MYT1: variants seen among roughly 807,000 people sequenced by gnomAD.
The protein encoded by MYT1 is myelin transcription factor I.
Under a neutral mutation model 123.0 loss-of-function variants are expected in MYT1, and 23 were observed. That is an observed-to-expected ratio of 0.19 (90% CI 0.13 to 0.26). MYT1 has a LOEUF of 0.26. Among genes scored for constraint, MYT1 ranks in the 10% least tolerant of loss-of-function variants. The pLI is 1.00. For synonymous variants in MYT1, 518 were observed against 575.3 expected, an observed-to-expected ratio of 0.90 and a Z score of 1.43; for missense variants, 1,125 against 1,472.5, an observed-to-expected ratio of 0.76 and a Z score of 3.86.
At chr20:64,220,063 C>T (rs1165320150) in intron 13 of MYT1, 81 bp downstream of exon 13, 2 of 1,405,920 alleles carry the variant, frequency 1.4e-6, no homozygotes, top group Admixed American at 6.2e-5. Flanking sequence ...ATTGGCTTTT[C>T]AAGGAAGCTT....
chr20:64,237,599 G>C (rs1601727839), intron 21 of MYT1, among the ~76,000 whole-genome samples: 1 of 152,354 alleles, frequency 6.6e-6, no homozygotes, highest in South Asian at 2.1e-4. Flanking sequence ...AGTGCCAGTG[G>C]GCCGCCGGAG....
At chr20:64,187,064 G>T (rs1331018094) in intron 1 of MYT1, among the ~76,000 whole-genome samples, 1 of 149,086 alleles carries the variant, frequency 6.7e-6, no homozygotes, top group African/African-American at 2.5e-5. Context: ...TTTCCGTGGA[G>T]ACTTTTCCTG....
In MYT1 at chr20:64,223,098, T is replaced by C. The variant is rs1984058618; in HGVS notation, c.2397-13T>C. 6.2e-7 allele frequency: 1 copy of C among 1,614,024 alleles called. No individual in the cohort carries two copies. The highest frequency in any genetic ancestry group is 1.7e-5 in the Admixed American group (1 of 60,012). On this transcript the variant is annotated splice_polypyrimidine_tract_variant and intron_variant, in intron 14 of 22. Transcript: ENST00000328439. ...ACCACTCTCCGGTCTGACACTCTTT[T>C]TCCTTTGTCCAGCTGTCCCACCCCT...
chr20:64,172,908 T>C (rs1042451373), intron 1 of MYT1, among the ~76,000 whole-genome samples: 1 of 152,014 alleles, frequency 6.6e-6, no homozygotes, highest in Non-Finnish European at 1.5e-5. Context: ...TTTGTATCTT[T>C]AGTAGAGACA....
chr20:64,228,232 T>C (rs1984227047), intron 18 of MYT1: 1 of 506,576 alleles, frequency 2.0e-6, no homozygotes, highest in Non-Finnish European at 3.5e-6. Flanking sequence ...CTGGAGTATT[T>C]GACGGGGCTG....
In MYT1 at chr20:64,240,424, G is replaced by C. The variant is rs1984682779; in HGVS notation, c.3342G>C (p.Gln1114His). ...AGGACCTCCTGGAGAGCATCAAGCA[G>C]GCTGTGAGGGGCATCCAGGTCTAGG... ...ENKDLLESIK[Q>H]AVRGIQV is the part of the protein sequence containing the mutation. Residue 1114 changes from glutamine to histidine, a missense_variant, in exon 23 of 23, where the codon CAG becomes CAC. Physicochemically the swap from Gln to His is conservative, Grantham distance 24 (BLOSUM62 0). Coordinates refer to ENST00000328439, the MANE Select transcript of MYT1 (RefSeq NM_004535.3). 1 of 1,613,498 alleles carries C rather than the reference G, an allele frequency of 6.2e-7. No homozygotes were observed. The highest frequency in any genetic ancestry group is 1.1e-5 in the South Asian group (1 of 91,058).
At chr20:64,165,922 TG>T (rs1285937403) in intron 1 of MYT1, among the ~76,000 whole-genome samples, 1 of 151,864 alleles carries the variant, frequency 6.6e-6, no homozygotes, top group African/African-American at 2.4e-5. Flanking sequence ...GGGGCAGACC[TG>T]GGGGGGCCCA....
chr20:64,201,289 G>A (rs1983290425), intron 4 of MYT1, among the ~76,000 whole-genome samples: 1 of 152,234 alleles, frequency 6.6e-6, no homozygotes, highest in Admixed American at 6.5e-5. Flanking sequence ...GACCTGTCCA[G>A]TCTAAGTGAG....
chr20:64,194,724 C>T (rs182558733), intron 2 of MYT1, among the ~76,000 whole-genome samples: 104 of 152,228 alleles, frequency 6.8e-4, no homozygotes, highest in African/African-American at 2.3e-3. Context: ...AGCTGGGGCC[C>T]GGGAAGGAGT....
Position 64,239,955 on chromosome 20 carries a change from C to T in MYT1, c.3237+52C>T, listed in dbSNP as rs185902666. The T allele has an allele frequency of 8.1e-5, 130 of 1,595,874 alleles. No individual in the cohort carries two copies. In the African/African-American group the frequency reaches 1.4e-3, roughly 17 times the overall value. ...CCACAGCTACCCCCCAGGGTCTCTTCGGAAAGCAGGAGGGCAGGGCATCTC... is the reference window on the plus strand; with the variant it reads ...CCACAGCTACCCCCCAGGGTCTCTTTGGAAAGCAGGAGGGCAGGGCATCTC... On this transcript the variant is annotated intron_variant, in intron 22 of 22. Transcript: ENST00000328439.
chr20:64,229,238 A>G (rs1484073470), intron 18 of MYT1, among the ~76,000 whole-genome samples: 1 of 152,248 alleles, frequency 6.6e-6, no homozygotes, highest in Non-Finnish European at 1.5e-5. Context: ...GCTGAGGTGG[A>G]TAAAAAGCAT....
chr20:64,228,908 C>T (rs569788291), intron 18 of MYT1, among the ~76,000 whole-genome samples: 8 of 152,204 alleles, frequency 5.3e-5, no homozygotes, highest in African/African-American at 1.4e-4. Context: ...CTACTATGCC[C>T]GCAGGAAGCA....
intron 4 of MYT1, among the ~76,000 whole-genome samples, chr20:64,201,287 C>T (rs1433044647): frequency 6.6e-6 from 1 of 152,184 alleles, no homozygotes; most frequent in African/African-American, 2.4e-5. Context: ...AGGACCTGTC[C>T]AGTCTAAGTG....
chr20:64,232,443 G>T lies in MYT1; in HGVS notation c.2897+58G>T. Reference sequence around the variant, plus strand: ...CAGTCAGTAGGGACCCTCGCCTGGGGCCTGGGGCTGAAGCTCCTGAGGGAG... The same window carrying T: ...CAGTCAGTAGGGACCCTCGCCTGGGTCCTGGGGCTGAAGCTCCTGAGGGAG... On this transcript the variant is annotated intron_variant, in intron 19 of 22. Coordinates refer to ENST00000328439, the MANE Select transcript of MYT1 (RefSeq NM_004535.3). The surrounding 1 kb of genome is among the most constrained non-coding windows in gnomAD (Gnocchi z 6.9). 1 of 1,555,756 alleles carries T rather than the reference G, an allele frequency of 6.4e-7. No homozygotes were observed. Among genetic ancestry groups the T allele is most frequent in the Admixed American group, 1.7e-5 (1 of 58,728 alleles).
At position 64,181,284 on chromosome 20, in the gene MYT1, A is replaced by T. The variant is rs560230800; in HGVS notation, c.-98-8779A>T. On this transcript the variant is annotated intron_variant, in intron 1 of 22. Transcript: ENST00000328439. ...TATAATTTCCTTTAGTTCTCGGAAAATTTTTTTTATTATTTAACTTACACT... is the reference window on the plus strand; with the variant it reads ...TATAATTTCCTTTAGTTCTCGGAAATTTTTTTTTATTATTTAACTTACACT... Among the ~76,000 whole-genome samples the T allele has an allele frequency of 1.3e-4, 20 of 151,770 alleles. No homozygotes were observed. In the East Asian group the frequency reaches 2.1e-3, roughly 16 times the overall value.
At chr20:64,171,180 A>C (rs1982268788) in intron 1 of MYT1, among the ~76,000 whole-genome samples, 2 of 151,826 alleles carry the variant, frequency 1.3e-5, no homozygotes, top group Non-Finnish European at 2.9e-5. Flanking sequence ...CCGCCTCCCA[A>C]AGTGCTGGTA....
At chr20:64,170,882 TATAGAGAGAGAGAGAGAGAG>T (rs1401017928) in intron 1 of MYT1, among the ~76,000 whole-genome samples, 6 of 41,348 alleles carry the variant, frequency 1.5e-4, no homozygotes, top group African/African-American at 3.5e-4. Context: ...TATATATATA[TATAGAGAGAGAGAGAGAGAG>T]AGAGAGAGAG....
Position 64,219,865 on chromosome 20 carries a change from C to G in MYT1, c.2124C>G (p.Ser708Arg). 2 of 1,599,398 alleles carry G rather than the reference C, an allele frequency of 1.3e-6. No homozygotes were observed. The highest frequency in any genetic ancestry group is 1.7e-6 in the Non-Finnish European group (2 of 1,173,042). ...CCTCCCAGCGCCACAGCAGCACCAGCGCCCCCAGCAGCTCCATGACCTCTC... is the reference window on the plus strand; with the variant it reads ...CCTCCCAGCGCCACAGCAGCACCAGGGCCCCCAGCAGCTCCATGACCTCTC... ...PDASQRHSSTSAPSSSMTSPQ... is the reference protein window; with the variant it reads ...PDASQRHSSTRAPSSSMTSPQ... The change falls in exon 13 of 23, where the codon AGC becomes AGG. Residue 708 changes from serine (S) to arginine (R), a missense_variant. Coordinates refer to ENST00000328439, the MANE Select transcript of MYT1 (RefSeq NM_004535.3).
chr20:64,240,919 G>A lies in MYT1; in HGVS notation c.*471G>A, dbSNP rs560109513. ...CAGTGAGGGCCGATGAAGAAAGTGC[G>A]TTTTCTGTTTTCATTTAATTCAGTT... On this transcript the variant is annotated 3_prime_UTR_variant, in exon 23 of 23. Coordinates refer to ENST00000328439, the MANE Select transcript of MYT1 (RefSeq NM_004535.3). 3.0e-4 allele frequency: 47 copies of A among 158,096 alleles called. 1 individual carries two copies. Among genetic ancestry groups the A allele is most frequent in the Middle Eastern group, 3.3e-3 (1 of 302 alleles). The allele number at this position is 158,096 out of a possible 1,614,324, so 9.8% of individuals were successfully genotyped here. A position where few individuals can be genotyped will look rare whatever the true frequency, so the allele number is the denominator to read the frequency against.
Sources: gnomAD v4.1 joint callset for allele counts (sites outside exome capture counted in the v4.1 genomes callset) on GRCh38, gnomAD v4.1.1 for gene constraint, Gnocchi (gnomAD v3.1) non-coding constraint, MANE v1.5 for transcripts, NCBI Gene and HGNC (gene_info 2026-07-23, HGNC 2026-07-21) for gene names.